The following TMEM233 variants were observed in gnomAD, a reference collection of about 807,000 sequenced individuals.
The protein encoded by TMEM233 is transmembrane protein 233, also known as dispanin subfamily B member 2.
A neutral mutation model predicts 11.2 loss-of-function variants in TMEM233; 6 were observed. The ratio of observed to expected loss-of-function variants is 0.54; its 90% CI spans 0.29 to 1.06. The LOEUF (loss-of-function observed/expected upper bound fraction) is 1.06. Ranked by LOEUF, TMEM233 falls within the 50% of genes least tolerant of loss-of-function variation. The pLI is 0.08. For missense variants in TMEM233, 127 were observed against 144.7 expected (o/e 0.88, Z 0.63); for synonymous variants, 59 against 55.8 (o/e 1.06, Z -0.26).
At chr12:119,601,129 A>G (rs1954155531) in intron 1 of TMEM233, among the ~76,000 whole-genome samples, 1 of 152,184 alleles carries the variant, frequency 6.6e-6, no homozygotes, top group Admixed American at 6.5e-5. Context: ...TCAAATAAGC[A>G]ATATAGAAAA....
downstream of TMEM233, among the ~76,000 whole-genome samples, chr12:119,647,872 G>A (rs1955175560): frequency 6.6e-6 from 1 of 150,452 alleles, no homozygotes; most frequent in African/African-American, 2.4e-5. Flanking sequence ...AGAACATGCG[G>A]TGTTTTAAAA....
At chr12:119,615,053 T>C (rs186062278) in intron 1 of TMEM233, among the ~76,000 whole-genome samples, 5 of 151,500 alleles carry the variant, frequency 3.3e-5, no homozygotes, top group Middle Eastern at 6.8e-3. Flanking sequence ...ATAAAAAAGT[T>C]CTTTCCCCCC....
At chr12:119,616,364 C>T (rs1954533782) in intron 1 of TMEM233, among the ~76,000 whole-genome samples, 1 of 152,152 alleles carries the variant, frequency 6.6e-6, no homozygotes, top group South Asian at 2.1e-4. Flanking sequence ...ATTTGGATAA[C>T]AGAGGAAAAT....
At chr12:119,636,714 G>A (rs1452188717) in intron 2 of TMEM233, among the ~76,000 whole-genome samples, 2 of 152,186 alleles carry the variant, frequency 1.3e-5, no homozygotes, top group Non-Finnish European at 2.9e-5. Context: ...AGTTGACCAG[G>A]ACAACATTTG....
Position 119,638,381 on chromosome 12 carries a change from T to G in TMEM233, c.324-2318T>G, listed in dbSNP as rs151256094. On this transcript the variant is annotated intron_variant, in intron 2 of 2. Transcript: ENST00000426426. ...GGGAGGCTCAGGTGTGAGGCCAGCT[T>G]GAGCCCAAGAGGTCGAGGGTGCAGT... Among the ~76,000 whole-genome samples the G allele has an allele frequency of 1.1e-4, 16 of 152,312 alleles. 1 individual carries two copies. The highest frequency in any genetic ancestry group is 2.6e-4 in the African/African-American group (11 of 41,580).
Position 119,629,880 on chromosome 12 carries a change from G to T in TMEM233, c.323+8G>T. 1.3e-6 allele frequency: 2 copies of T among 1,548,588 alleles called. No individual in the cohort carries two copies. The highest frequency in any genetic ancestry group is 2.0e-5 in the Admixed American group (1 of 50,346). ...AGTTCACTTCACAAGGAAGTAAGTA[G>T]GCTTTTTGAATCCCTCCCCATGTCA... On this transcript the variant is annotated splice_region_variant and intron_variant, in intron 2 of 2. Transcript: ENST00000426426.
chr12:119,624,733 A>G (rs546311662), intron 1 of TMEM233, among the ~76,000 whole-genome samples: 8 of 152,174 alleles, frequency 5.3e-5, no homozygotes, highest in African/African-American at 1.9e-4. Context: ...CCATTGGGGA[A>G]GATGAAAATT....
intron 1 of TMEM233, among the ~76,000 whole-genome samples, chr12:119,618,531 G>T (rs539718250): frequency 6.6e-6 from 1 of 152,358 alleles, no homozygotes; most frequent in Non-Finnish European, 1.5e-5. Context: ...CACAGGGGTG[G>T]AGTTGTCCAA....
At chr12:119,637,757 G>T (rs1241529394) in intron 2 of TMEM233, among the ~76,000 whole-genome samples, 1 of 152,196 alleles carries the variant, frequency 6.6e-6, no homozygotes, top group African/African-American at 2.4e-5. Context: ...AACAATGGAA[G>T]AATTTTTGCT....
intron 1 of TMEM233, among the ~76,000 whole-genome samples, chr12:119,619,265 C>A (rs555503012): frequency 1.7e-4 from 26 of 152,262 alleles, no homozygotes; most frequent in Non-Finnish European, 3.4e-4. Flanking sequence ...TTATAAATTG[C>A]CCAGTCTCAA....
At chr12:119,597,469 TA>T (rs397724666) in intron 1 of TMEM233, among the ~76,000 whole-genome samples, 72 of 146,222 alleles carry the variant, frequency 4.9e-4, no homozygotes, top group Middle Eastern at 3.4e-3. Context: ...TCCAGAATGG[TA>T]AAAAAAAAAA....
At chr12:119,604,937 T>A (rs1013248021) in intron 1 of TMEM233, among the ~76,000 whole-genome samples, 3 of 151,984 alleles carry the variant, frequency 2.0e-5, no homozygotes, top group African/African-American at 7.2e-5. Flanking sequence ...CTGGCTAAGT[T>A]AGGTGTTTTT....
intron 1 of TMEM233, among the ~76,000 whole-genome samples, chr12:119,607,474 A>G (rs907649164): frequency 6.6e-6 from 1 of 152,180 alleles, no homozygotes. Context: ...AAATATTCCT[A>G]TCAAAAGTTT....
chr12:119,648,573 T>C, the TMEM233 span, among the ~76,000 whole-genome samples: 1 of 152,224 alleles, frequency 6.6e-6, no homozygotes, highest in African/African-American at 2.4e-5. Context: ...TCACTCAAGG[T>C]CATATCACAA....
At chr12:119,603,204 G>C (rs1202509087) in intron 1 of TMEM233, among the ~76,000 whole-genome samples, 2 of 152,176 alleles carry the variant, frequency 1.3e-5, no homozygotes, top group Non-Finnish European at 2.9e-5. Context: ...CCAGGAGGCA[G>C]AGGTTGCAGG....
At chr12:119,637,239 G>A (rs2136795553) in intron 2 of TMEM233, among the ~76,000 whole-genome samples, 1 of 152,316 alleles carries the variant, frequency 6.6e-6, no homozygotes, top group East Asian at 1.9e-4. Context: ...GAGTGGTCTT[G>A]TTGAGGTGTA....
At chr12:119,614,957 C>G (rs967371476) in intron 1 of TMEM233, among the ~76,000 whole-genome samples, 2 of 151,664 alleles carry the variant, frequency 1.3e-5, no homozygotes, top group Non-Finnish European at 2.9e-5. Flanking sequence ...TCTCCTCTCT[C>G]CTCTCTTTTC....
chr12:119,612,704 T>C (rs1009411262), intron 1 of TMEM233, among the ~76,000 whole-genome samples: 1 of 135,378 alleles, frequency 7.4e-6, no homozygotes. Context: ...TGAGCCAAGA[T>C]CACGCCACTG....
chr12:119,642,798 C>G lies in TMEM233; in HGVS notation c.*2093C>G, dbSNP rs1161566291. On this transcript the variant is annotated 3_prime_UTR_variant, in exon 3 of 3. Coordinates refer to ENST00000426426, the MANE Select transcript of TMEM233 (RefSeq NM_001136534.3). The stretch of plus-strand genomic sequence containing the variant: ...CATTTTTTCATATACTGAACCCTAG[C>G]AAAAAAAAAAAAAATTCTGATGAAC... 3 of 149,150 alleles carry G rather than the reference C, an allele frequency of 2.0e-5. No individual in the cohort carries two copies. The East Asian group carries it at 6.0e-4, about 30-fold the overall frequency. The allele number at this position is 149,150 out of a possible 1,614,324, so 9.2% of individuals were successfully genotyped here.
Sources: allele counts gnomAD v4.1 joint callset (sites outside exome capture counted in the v4.1 genomes callset), GRCh38; gene constraint gnomAD v4.1.1; transcripts MANE v1.5; gene names NCBI Gene and HGNC (gene_info 2026-07-23, HGNC 2026-07-21).